The following BRSK2 variants were observed in gnomAD, a reference collection of about 807,000 sequenced individuals.
The protein encoded by BRSK2 is serine/threonine-protein kinase BRSK2.
A neutral mutation model predicts 83.3 loss-of-function variants in BRSK2; 19 were observed. That is an observed-to-expected ratio of 0.23 (90% CI 0.16 to 0.33). BRSK2 has a LOEUF of 0.33. Ranked by LOEUF, BRSK2 falls within the 10% of genes least tolerant of loss-of-function variation. The pLI, the probability that BRSK2 is intolerant of heterozygous loss-of-function variation, is 1.00. For missense variants in BRSK2, 798 were observed against 1,042.3 expected (o/e 0.77, Z 3.23); for synonymous variants, 519 against 435.4 (o/e 1.19, Z -2.39).
rs185737176 is a variant in BRSK2, at chr11:1,412,460, G to A, written c.91+22085G>A. On this transcript the variant is annotated intron_variant, in intron 1 of 19. Transcript: ENST00000528841. ...GGTGGAGTCTCAGCTGCGCCGCCCC[G>A]TCCTGTGGTGGGTGGAGTCTCAGCT... 2.1e-4 allele frequency among the ~76,000 whole-genome samples: 22 copies of A among 106,850 alleles called. 1 individual carries two copies. The East Asian group carries it at 4.4e-3, about 21-fold the overall frequency. 70.1% of individuals were successfully genotyped at this position (106,850 alleles called of 152,430 possible).
chr11:1,424,999 G>A (rs776683858), intron 1 of BRSK2, among the ~76,000 whole-genome samples: 20 of 152,228 alleles, frequency 1.3e-4, no homozygotes, highest in Admixed American at 7.2e-4. Flanking sequence ...TGGGATTGGC[G>A]CCCAGGCCCT....
chr11:1,414,026 G>A (rs1847839131), intron 1 of BRSK2, among the ~76,000 whole-genome samples: 1 of 152,210 alleles, frequency 6.6e-6, no homozygotes, highest in African/African-American at 2.4e-5. Flanking sequence ...GATCCCCAGG[G>A]ATATATAACT....
In BRSK2 at chr11:1,397,032, T is replaced by C. The variant is rs538604207; in HGVS notation, c.91+6657T>C. The stretch of plus-strand genomic sequence containing the variant: ...GGCAGACCAGCATCTGTCAGGCCCC[T>C]TGGGGCTCACATGGCTGGTCCTCTG... On this transcript the variant is annotated intron_variant, in intron 1 of 19. Transcript: ENST00000528841. Among the ~76,000 whole-genome samples the C allele has an allele frequency of 2.6e-5, 4 of 152,348 alleles. No homozygotes were observed. The East Asian group carries it at 5.8e-4, about 22-fold the overall frequency.
chr11:1,449,947 G>A (rs1845601499), intron 13 of BRSK2, 111 bp downstream of exon 13: 2 of 735,710 alleles, frequency 2.7e-6, no homozygotes, highest in Non-Finnish European at 4.6e-6. Context: ...GCAGCCCCAG[G>A]CGCCCCCCAT....
intron 1 of BRSK2, among the ~76,000 whole-genome samples, chr11:1,414,766 C>T (rs573986856): frequency 2.6e-5 from 4 of 152,308 alleles, no homozygotes; most frequent in South Asian, 2.1e-4. Context: ...TCCGTGGGAG[C>T]GTGGCCTGCC....
At chr11:1,422,119 G>GAGCCC (rs1006628757) in intron 1 of BRSK2, among the ~76,000 whole-genome samples, 3 of 152,284 alleles carry the variant, frequency 2.0e-5, no homozygotes, top group East Asian at 3.9e-4. Context: ...TGTCGGGTGA[G>GAGCCC]AGCCCAGCCC....
At chr11:1,429,133 TGTGTGCAC>T (rs1353377030) in intron 1 of BRSK2, among the ~76,000 whole-genome samples, 1 of 129,768 alleles carries the variant, frequency 7.7e-6, no homozygotes, top group Non-Finnish European at 1.6e-5. Flanking sequence ...GCACTGGGTG[TGTGTGCAC>T]GTGTGCATGG....
intron 11 of BRSK2, 31 bp downstream of exon 11, chr11:1,445,699 C>T (rs1851949498): frequency 6.2e-7 from 1 of 1,611,256 alleles, no homozygotes; most frequent in Admixed American, 1.7e-5. Flanking sequence ...TCCAGCCCGG[C>T]CTGCACTGCC....
In BRSK2 at chr11:1,440,783, T is replaced by G; in HGVS notation, c.273-5T>G. ...TGGGCGCACTGGTGGCCCCGTCTCC[T>G]GCAGGTACCTGGTGCTAGAACACGT... On this transcript the variant is annotated splice_polypyrimidine_tract_variant and splice_region_variant and intron_variant, in intron 3 of 19. Transcript: ENST00000528841. The G allele has an allele frequency of 6.4e-7, 1 of 1,563,068 alleles. No homozygotes were observed. The highest frequency in any genetic ancestry group is 8.7e-7 in the Non-Finnish European group (1 of 1,153,422).
intron 1 of BRSK2, among the ~76,000 whole-genome samples, chr11:1,400,953 C>G (rs1202865543): frequency 6.6e-6 from 1 of 152,266 alleles, no homozygotes; most frequent in African/African-American, 2.4e-5. Context: ...TTCCTTCCAT[C>G]CCTGCTGGTG....
intron 15 of BRSK2, among the ~76,000 whole-genome samples, chr11:1,451,677 G>A (rs563229427): frequency 2.0e-5 from 3 of 152,330 alleles, no homozygotes; most frequent in East Asian, 3.9e-4. Flanking sequence ...GGCTGGAGGC[G>A]AGCAGGGGGT....
At chr11:1,456,927 A>G (rs754224601) in intron 18 of BRSK2, 3 of 1,594,618 alleles carry the variant, frequency 1.9e-6, no homozygotes, top group East Asian at 4.5e-5. Flanking sequence ...GCCGCACCAC[A>G]CTGAAAGGCG....
At chr11:1,447,001 C>T (rs1025657771) in intron 12 of BRSK2, among the ~76,000 whole-genome samples, 23 of 152,220 alleles carry the variant, frequency 1.5e-4, no homozygotes, top group African/African-American at 5.1e-4. Context: ...GTTCCAGCCC[C>T]AGCCCTGGCC....
Position 1,449,854 on chromosome 11 carries a change from C to G in BRSK2, c.1287+18C>G. ...GCCCCCGGGTGAGTGACCCCCCGCC[C>G]CCACCCAGCTCGGATGCACAGAGGC... On this transcript the variant is annotated intron_variant, in intron 13 of 19. Transcript: ENST00000528841. 6.3e-7 allele frequency: 1 copy of G among 1,595,606 alleles called. No homozygotes were observed. Among genetic ancestry groups the G allele is most frequent in the Non-Finnish European group, 8.6e-7 (1 of 1,165,450 alleles).
intron 1 of BRSK2, among the ~76,000 whole-genome samples, chr11:1,413,091 A>G (rs1045973508): frequency 3.9e-5 from 6 of 152,088 alleles, no homozygotes; most frequent in Non-Finnish European, 7.4e-5. Context: ...GGGGCTGGGC[A>G]GGGACTGGGG....
Position 1,438,078 on chromosome 11 carries a change from A to G in BRSK2, c.187-228A>G, listed in dbSNP as rs1318451392. ...CCTGCGTCCCCCACAGCTGGCACCA[A>G]AGGCCCCTGCGTCCCCCACAGCTGG... On this transcript the variant is annotated intron_variant, in intron 2 of 19. Transcript: ENST00000528841. The surrounding 1 kb of genome is among the most constrained non-coding windows in gnomAD (Gnocchi z 6.4). Among the ~76,000 whole-genome samples, 1 of 141,282 alleles carries G rather than the reference A, an allele frequency of 7.1e-6. No individual in the cohort carries two copies. Among genetic ancestry groups the G allele is most frequent in the Non-Finnish European group, 1.5e-5 (1 of 64,664 alleles). The allele number at this position is 141,282 out of a possible 152,430, so 92.7% of individuals were successfully genotyped here. A position where few individuals can be genotyped will look rare whatever the true frequency, so the allele number is the denominator to read the frequency against.
intron 1 of BRSK2, among the ~76,000 whole-genome samples, chr11:1,428,998 G>C (rs1402705235): frequency 6.7e-6 from 1 of 149,934 alleles, no homozygotes; most frequent in Non-Finnish European, 1.5e-5. Flanking sequence ...GGTGTGTCCT[G>C]GGTGTGTGTG....
chr11:1,429,415 CGCA>C (rs1849696155), intron 1 of BRSK2, among the ~76,000 whole-genome samples: 3 of 149,510 alleles, frequency 2.0e-5, no homozygotes, highest in African/African-American at 2.5e-5. Context: ...GGGGTGTGCA[CGCA>C]TGGAGGTATG....
intron 1 of BRSK2, chr11:1,411,176 T>C (rs1847455140): frequency 1.6e-6 from 2 of 1,231,658 alleles, no homozygotes; most frequent in East Asian, 6.4e-5. Context: ...TAGTTCCTCC[T>C]TCCTGGTCAC....
Sources: gnomAD v4.1 joint callset for allele counts (sites outside exome capture counted in the v4.1 genomes callset) on GRCh38, gnomAD v4.1.1 for gene constraint, Gnocchi (gnomAD v3.1) non-coding constraint, MANE v1.5 for transcripts, NCBI Gene and HGNC (gene_info 2026-07-23, HGNC 2026-07-21) for gene names.